Variants in AXL observed in about 807,000 individuals in gnomAD.
AXL encodes AXL receptor tyrosine kinase, also known as tyrosine-protein kinase receptor UFO.
Under a neutral mutation model 104.5 loss-of-function variants are expected in AXL, and 52 were observed. The ratio of observed to expected loss-of-function variants is 0.50; its 90% CI spans 0.40 to 0.63. AXL has a LOEUF of 0.63. Ranked by LOEUF, AXL falls within the 20% of genes least tolerant of loss-of-function variation. The pLI is 0.00. For synonymous variants in AXL, 455 were observed against 473.7 expected, an observed-to-expected ratio of 0.96 and a Z score of 0.51; for missense variants, 1,024 against 1,188.5, an observed-to-expected ratio of 0.86 and a Z score of 2.04.
chr19:41,256,653 A>T lies in AXL; in HGVS notation c.2196+42A>T. ...CAAGAGTGGGGAACCATGGGAGGGC[A>T]TGGCCTGACCATCACACACTATGCC... On this transcript the variant is annotated intron_variant, in intron 18 of 19. Coordinates refer to ENST00000301178, the MANE Select transcript of AXL (RefSeq NM_021913.5). 1.9e-6 allele frequency: 3 copies of T among 1,604,924 alleles called. 1 individual carries two copies. In the South Asian group the frequency reaches 3.3e-5, roughly 18 times the overall value.
chr19:41,225,931 T>A (rs1445869654), intron 4 of AXL, among the ~76,000 whole-genome samples: 2 of 152,138 alleles, frequency 1.3e-5, no homozygotes, highest in Non-Finnish European at 2.9e-5. Context: ...CCTCCTTCCA[T>A]CCCTCTCATT....
intron 12 of AXL, chr19:41,243,971 C>G (rs937874885): frequency 2.9e-6 from 1 of 344,832 alleles, no homozygotes. Flanking sequence ...TTCGGGGGGC[C>G]GAGGTGGGAG....
rs199894470 is a variant in AXL at position 41,238,127 on chromosome 19, T to A, written c.967T>A (p.Trp323Arg). Residue 323 changes from tryptophan to arginine, a missense_variant, in exon 7 of 20, where the codon TGG (tryptophan) becomes AGG (arginine). Coordinates refer to ENST00000301178, the MANE Select transcript of AXL (RefSeq NM_021913.5). ...SSQGPSSWTHWLPVETPEGVP... is the reference protein window; with the variant it reads ...SSQGPSSWTHRLPVETPEGVP... The stretch of plus-strand genomic sequence containing the variant: ...CCAGGGCCCCTCATCCTGGACCCAC[T>A]GGCTTCCTGTGGAGACGCCGGAGGG... 1.0e-4 allele frequency: 161 copies of A among 1,614,004 alleles called. No individual in the cohort carries two copies. The highest frequency in any genetic ancestry group is 1.3e-4 in the Non-Finnish European group (152 of 1,179,994).
At chr19:41,229,573 A>T (rs1034614953) in intron 4 of AXL, among the ~76,000 whole-genome samples, 1 of 152,178 alleles carries the variant, frequency 6.6e-6, no homozygotes, top group Non-Finnish European at 1.5e-5. Context: ...CCAAGCTCCA[A>T]TATTAACAGG....
intron 4 of AXL, among the ~76,000 whole-genome samples, chr19:41,222,860 T>C (rs10409940): frequency 0.57 from 83,039 of 145,726 alleles, 25,335 homozygotes; most frequent in African/African-American, 0.83. Flanking sequence ...GAGCCGAGAT[T>C]GCGCCACTGC....
intron 6 of AXL, among the ~76,000 whole-genome samples, chr19:41,231,978 C>CA (rs1348494566): frequency 1.3e-5 from 2 of 151,564 alleles, no homozygotes; most frequent in African/African-American, 4.9e-5. Context: ...TGAAAATGAT[C>CA]AGCTGTTTTA....
chr19:41,238,919 G>A (rs2034131609), intron 8 of AXL, among the ~76,000 whole-genome samples: 1 of 151,944 alleles, frequency 6.6e-6, no homozygotes, highest in African/African-American at 2.4e-5. Context: ...TTTTCACAAA[G>A]GCACTCCTAT....
chr19:41,232,735 G>T (rs1484695354), intron 6 of AXL, among the ~76,000 whole-genome samples: 3 of 152,190 alleles, frequency 2.0e-5, no homozygotes, highest in Non-Finnish European at 4.4e-5. Flanking sequence ...AGATTAGAAA[G>T]TTGGAGATGG....
intron 4 of AXL, among the ~76,000 whole-genome samples, chr19:41,228,005 G>A (rs2033913164): frequency 6.6e-6 from 1 of 152,104 alleles, no homozygotes; most frequent in African/African-American, 2.4e-5. Context: ...TAAAACTTAG[G>A]AGTTATATCT....
chr19:41,247,855 G>A (rs934581710), intron 12 of AXL, among the ~76,000 whole-genome samples: 4 of 151,504 alleles, frequency 2.6e-5, no homozygotes, highest in Admixed American at 6.6e-5. Flanking sequence ...AAAGTGCTGC[G>A]ATTACAGGCA....
intron 12 of AXL, among the ~76,000 whole-genome samples, chr19:41,246,090 C>T (rs1041960368): frequency 8.5e-5 from 13 of 152,166 alleles, no homozygotes; most frequent in East Asian, 1.9e-4. Context: ...GGCTCCCTGA[C>T]GTGGGATGAT....
chr19:41,252,526 A>AGTTT, intron 15 of AXL, 83 bp downstream of exon 15: 1 of 1,473,830 alleles, frequency 6.8e-7, no homozygotes, highest in Non-Finnish European at 9.4e-7. Context: ...GGCCCTGGGA[A>AGTTT]GATCAAACTT....
chr19:41,234,173 T>C (rs2034041323), intron 6 of AXL, among the ~76,000 whole-genome samples: 1 of 152,130 alleles, frequency 6.6e-6, no homozygotes, highest in Non-Finnish European at 1.5e-5. Context: ...TGTGTGACTT[T>C]GGGCAAGTTG....
chr19:41,238,850 A>G (rs1421233482), intron 8 of AXL, among the ~76,000 whole-genome samples: 2 of 152,216 alleles, frequency 1.3e-5, no homozygotes, highest in East Asian at 3.9e-4. Flanking sequence ...TATTTACTAT[A>G]TAACGATTTT....
rs2034482192 is a variant in AXL at position 41,258,062 on chromosome 19, T to C, written c.2333+433T>C. On this transcript the variant is annotated intron_variant, in intron 19 of 19. Transcript: ENST00000301178. ...TTTGTTTTATTGGCCTTCTCCAGAC[T>C]CAGGTCTCCTCTGAGATATTTGCAG... is the stretch of plus-strand genomic sequence containing the variant. Among the ~76,000 whole-genome samples, 4 of 152,244 alleles carry C rather than the reference T, an allele frequency of 2.6e-5. No individual in the cohort carries two copies. The South Asian group carries it at 8.3e-4, about 31-fold the overall frequency.
intron 11 of AXL, 66 bp from the exon 12 acceptor site, chr19:41,243,550 C>T (rs951045568): frequency 1.4e-5 from 18 of 1,263,424 alleles, no homozygotes; most frequent in Non-Finnish European, 2.1e-5. Flanking sequence ...GCTTGCTCAA[C>T]TGCTGGTTGA....
chr19:41,239,136 A>G, intron 8 of AXL, 28 bp from the exon 9 acceptor site: 1 of 1,612,294 alleles, frequency 6.2e-7, no homozygotes, highest in Non-Finnish European at 8.5e-7. Flanking sequence ...GTAAGGTTCT[A>G]CCCTGATGCC....
chr19:41,242,526 C>T (rs929693245), intron 10 of AXL, among the ~76,000 whole-genome samples: 4 of 151,978 alleles, frequency 2.6e-5, no homozygotes, highest in African/African-American at 9.7e-5. Context: ...GACAGGGTTT[C>T]ATCATGTCGG....
intron 6 of AXL, 129 bp downstream of exon 6, chr19:41,231,427 A>ACGTTTTTT: frequency 1.2e-6 from 1 of 847,272 alleles, no homozygotes; most frequent in Non-Finnish European, 1.8e-6. Flanking sequence ...CTGGGGGGTT[A>ACGTTTTTT]AGCCAGATGT....
Sources: allele counts gnomAD v4.1 joint callset (sites outside exome capture counted in the v4.1 genomes callset), GRCh38; gene constraint gnomAD v4.1.1; transcripts MANE v1.5; gene names NCBI Gene and HGNC (gene_info 2026-07-23, HGNC 2026-07-21).